The following ANKS1B variants were observed in gnomAD, a reference collection of about 807,000 sequenced individuals.
The protein encoded by ANKS1B is ankyrin repeat and sterile alpha motif domain-containing protein 1B.
Under a neutral mutation model 148.3 loss-of-function variants are expected in ANKS1B, and 36 were observed. The observed-to-expected ratio is 0.24, with a 90% CI of 0.19 to 0.32. The LOEUF (loss-of-function observed/expected upper bound fraction) is 0.32, where lower values mean the gene tolerates loss of function less well. Ranked by LOEUF, ANKS1B falls within the 10% of genes least tolerant of loss-of-function variation. ANKS1B has a pLI of 1.00. For synonymous variants in ANKS1B, 542 were observed against 560.8 expected (o/e 0.97, Z 0.47); for missense variants, 1,157 against 1,542.6 (o/e 0.75, Z 4.19).
intron 19 of ANKS1B, among the ~76,000 whole-genome samples, chr12:98,814,539 A>T (rs985962198): frequency 2.6e-5 from 4 of 152,314 alleles, no homozygotes; most frequent in Admixed American, 2.0e-4. Flanking sequence ...AAGATTCCTC[A>T]TATTTCCTGA....
intron 25 of ANKS1B, among the ~76,000 whole-genome samples, chr12:98,763,097 T>G (rs2098434655): frequency 6.6e-6 from 1 of 152,134 alleles, no homozygotes; most frequent in East Asian, 1.9e-4. Flanking sequence ...ACAAGAAGGT[T>G]TTTTTCAATC....
intron 8 of ANKS1B, among the ~76,000 whole-genome samples, chr12:99,680,413 G>C (rs1447289626): frequency 2.0e-5 from 3 of 151,358 alleles, no homozygotes; most frequent in Admixed American, 1.3e-4. Flanking sequence ...TGCACACCAG[G>C]CTGTCTGTTA....
rs572014701 is a variant in ANKS1B at position 99,513,768 on chromosome 12, A to G, written c.1273-9127T>C. ...CCGCATGCTAGTCCAGACCACCATT[A>G]TATTTCACCTGAACTGCTGGAACAA... On this transcript the variant is annotated intron_variant, in intron 9 of 26. Coordinates refer to ENST00000683438, the MANE Select transcript of ANKS1B (RefSeq NM_001352186.2). Among the ~76,000 whole-genome samples, 49 of 152,106 alleles carry G rather than the reference A, an allele frequency of 3.2e-4. No homozygotes were observed. The Middle Eastern group carries it at 0.01, about 32-fold the overall frequency.
At chr12:98,963,865 C>T (rs560641036) in intron 17 of ANKS1B, among the ~76,000 whole-genome samples, 11 of 152,094 alleles carry the variant, frequency 7.2e-5, no homozygotes, top group African/African-American at 2.2e-4. Context: ...TTTGGGAGGC[C>T]GAAGCAGGTG....
intron 17 of ANKS1B, among the ~76,000 whole-genome samples, chr12:99,043,387 A>C (rs141582806): frequency 1.3e-3 from 205 of 152,352 alleles, no homozygotes; most frequent in Non-Finnish European, 2.4e-3. Context: ...TTATAGATTA[A>C]TTCCAGAAGC....
At chr12:98,858,184 T>C (rs1022045590) in intron 17 of ANKS1B, among the ~76,000 whole-genome samples, 3 of 152,134 alleles carry the variant, frequency 2.0e-5, no homozygotes, top group African/African-American at 7.2e-5. Flanking sequence ...GTGCTCTCCA[T>C]AAGCAAATGG....
chr12:98,993,973 G>T (rs924323227), intron 17 of ANKS1B, among the ~76,000 whole-genome samples: 2 of 152,108 alleles, frequency 1.3e-5, no homozygotes, highest in African/African-American at 2.4e-5. Context: ...AAGTAATGAA[G>T]TAATTTTTAT....
intron 1 of ANKS1B, 51 bp from the exon 2 acceptor site, chr12:99,825,440 T>TCTTTTTGTTTTTCAAGGCAA: frequency 6.8e-7 from 1 of 1,461,834 alleles, no homozygotes; most frequent in Non-Finnish European, 9.4e-7. Context: ...GATCTTGCCT[T>TCTTTTTGTTTTTCAAGGCAA]GAAAAACAAA....
At chr12:99,013,804 G>A (rs1414962505) in intron 17 of ANKS1B, among the ~76,000 whole-genome samples, 1 of 152,112 alleles carries the variant, frequency 6.6e-6, no homozygotes, top group African/African-American at 2.4e-5. Flanking sequence ...GCTATGTAGG[G>A]TGGTGAAAGA....
At chr12:99,464,635 C>G (rs377240013) in intron 10 of ANKS1B, among the ~76,000 whole-genome samples, 2 of 152,080 alleles carry the variant, frequency 1.3e-5, no homozygotes, top group African/African-American at 4.8e-5. Context: ...TCGAGAACTA[C>G]GTGAAGAATG....
chr12:99,630,361 ACTGGT>A (rs1357868833), intron 9 of ANKS1B, among the ~76,000 whole-genome samples: 2 of 152,148 alleles, frequency 1.3e-5, no homozygotes, highest in African/African-American at 4.8e-5. Flanking sequence ...GGAGAAGGGG[ACTGGT>A]CAACCCATTT....
At position 99,045,896 on chromosome 12, in the gene ANKS1B, C is replaced by A. The variant is rs958172352; in HGVS notation, c.2778+7261G>T. ...AAATAGAAAAGATGAAGCAGAGAAT[C>A]CAGGTAGACTAGCGTGGCTAGAGTT... On this transcript the variant is annotated intron_variant, in intron 17 of 26. Transcript: ENST00000683438. Among the ~76,000 whole-genome samples, 4 of 152,102 alleles carry A rather than the reference C, an allele frequency of 2.6e-5. No individual in the cohort carries two copies. In the South Asian group the frequency reaches 8.3e-4, roughly 32 times the overall value.
intron 1 of ANKS1B, among the ~76,000 whole-genome samples, chr12:99,944,240 GC>G (rs2094996806): frequency 6.6e-6 from 1 of 152,132 alleles, no homozygotes; most frequent in Non-Finnish European, 1.5e-5. Flanking sequence ...GAATTCTTGG[GC>G]CTAGGCCCAG....
chr12:99,060,869 G>A (rs2042240830), intron 16 of ANKS1B, among the ~76,000 whole-genome samples: 1 of 152,118 alleles, frequency 6.6e-6, no homozygotes. Context: ...AAAAGAGAGA[G>A]AAAGGTGATA....
At chr12:99,417,903 A>C (rs972841585) in intron 11 of ANKS1B, among the ~76,000 whole-genome samples, 5 of 152,238 alleles carry the variant, frequency 3.3e-5, no homozygotes, top group Non-Finnish European at 4.4e-5. Context: ...AAAACCCTGC[A>C]GGCTAGGAAA....
chr12:99,460,871 T>C (rs2095949284), intron 10 of ANKS1B, among the ~76,000 whole-genome samples: 1 of 152,112 alleles, frequency 6.6e-6, no homozygotes, highest in African/African-American at 2.4e-5. Context: ...ATCTACCATT[T>C]GATCCAACAA....
chr12:99,555,993 T>C (rs1291696857), intron 9 of ANKS1B, among the ~76,000 whole-genome samples: 1 of 152,116 alleles, frequency 6.6e-6, no homozygotes, highest in Non-Finnish European at 1.5e-5. Flanking sequence ...TTTTTGAATA[T>C]TTTCTGTAGG....
intron 26 of ANKS1B, among the ~76,000 whole-genome samples, chr12:98,750,872 A>G (rs937071845): frequency 6.6e-6 from 1 of 152,244 alleles, no homozygotes; most frequent in African/African-American, 2.4e-5. Context: ...CACGCAGGCC[A>G]TGGCGCAGGC....
chr12:99,548,975 C>G (rs1250200971), intron 9 of ANKS1B, among the ~76,000 whole-genome samples: 3 of 152,070 alleles, frequency 2.0e-5, no homozygotes, highest in Admixed American at 2.0e-4. Flanking sequence ...TAATGGAGAA[C>G]TGCCATGGGG....
Sources: allele counts gnomAD v4.1 joint callset (sites outside exome capture counted in the v4.1 genomes callset), GRCh38; gene constraint gnomAD v4.1.1; transcripts MANE v1.5; gene names NCBI Gene and HGNC (gene_info 2026-07-23, HGNC 2026-07-21).